The following C2orf49 variants were observed in gnomAD, a reference collection of about 807,000 sequenced individuals.
The protein encoded by C2orf49 is tRNA-splicing ligase complex subunit ASW.
In C2orf49, 11 loss-of-function variants were observed where a neutral mutation model predicts 20.6. That is an observed-to-expected ratio of 0.53 (90% CI 0.34 to 0.88). The LOEUF is 0.88. C2orf49 is among the 40% of genes least tolerant of loss of function. The pLI, the probability that C2orf49 is intolerant of heterozygous loss-of-function variation, is 0.02. For synonymous variants in C2orf49, 134 were observed against 108.5 expected, an observed-to-expected ratio of 1.24 and a Z score of -1.46; for missense variants, 289 against 274.2, an observed-to-expected ratio of 1.05 and a Z score of -0.38.
the C2orf49 span, among the ~76,000 whole-genome samples, chr2:105,371,494 C>A: frequency 2.7e-4 from 41 of 151,880 alleles, no homozygotes; most frequent in South Asian, 8.3e-3. Context: ...CTGCCCTGTT[C>A]TATAGATTCC....
intron 1 of C2orf49, among the ~76,000 whole-genome samples, chr2:105,338,508 A>G (rs910885596): frequency 2.6e-5 from 4 of 152,212 alleles, no homozygotes; most frequent in Non-Finnish European, 1.5e-5. Context: ...TTTCTCGTTC[A>G]GTAGTTCCGG....
rs189712499 is a variant in C2orf49 at position 105,340,599 on chromosome 2, G to A, written c.266+850G>A. ...TCTTTGAATAATACACAAATGAAGGGCCTGTTAACTAGCTTAAGTTATGCT... is the reference window on the plus strand; with the variant it reads ...TCTTTGAATAATACACAAATGAAGGACCTGTTAACTAGCTTAAGTTATGCT... On this transcript the variant is annotated intron_variant, in intron 2 of 3. Coordinates refer to ENST00000258457, the MANE Select transcript of C2orf49 (RefSeq NM_024093.3). 2.1e-3 allele frequency among the ~76,000 whole-genome samples: 320 copies of A among 152,220 alleles called. 1 individual carries two copies. The highest frequency in any genetic ancestry group is 3.4e-3 in the Non-Finnish European group (233 of 68,006).
At chr2:105,349,494 TTACTAAC>T (rs1163879186), downstream of C2orf49, among the ~76,000 whole-genome samples, 2 of 152,230 alleles carry the variant, frequency 1.3e-5, no homozygotes, top group Non-Finnish European at 2.9e-5. Flanking sequence ...AAAGTGCATT[TTACTAAC>T]TAAAGTGCAT....
the C2orf49 span, among the ~76,000 whole-genome samples, chr2:105,384,580 T>C: frequency 7.9e-5 from 12 of 152,280 alleles, no homozygotes; most frequent in South Asian, 2.5e-3. Flanking sequence ...TGATCTCGGC[T>C]CACTGTAACT....
chr2:105,366,044 A>C, the C2orf49 span, among the ~76,000 whole-genome samples: 1 of 151,474 alleles, frequency 6.6e-6, no homozygotes, highest in Non-Finnish European at 1.5e-5. Context: ...CGTCTGTACT[A>C]AAAATACAAA....
At chr2:105,382,826 C>T in the C2orf49 span, among the ~76,000 whole-genome samples, 75 of 152,312 alleles carry the variant, frequency 4.9e-4, no homozygotes, top group East Asian at 0.013. Context: ...GGCTTAAAAT[C>T]ACCAATTTGT....
the C2orf49 span, chr2:105,367,519 T>G: frequency 2.6e-6 from 4 of 1,551,842 alleles, no homozygotes; most frequent in South Asian, 1.2e-5. Flanking sequence ...ACATGGACCA[T>G]GGAGGCAAAC....
the C2orf49 span, chr2:105,367,514 G>T: frequency 1.3e-6 from 2 of 1,537,028 alleles, no homozygotes; most frequent in South Asian, 1.2e-5. Context: ...GACAGACATG[G>T]ACCATGGAGG....
the C2orf49 span, among the ~76,000 whole-genome samples, chr2:105,380,392 A>G: frequency 6.6e-6 from 1 of 152,042 alleles, no homozygotes; most frequent in African/African-American, 2.4e-5. Context: ...CTGTCTGTCT[A>G]TCTATCATCT....
At chr2:105,350,481 CA>C (rs1185147289), downstream of C2orf49, among the ~76,000 whole-genome samples, 1 of 152,178 alleles carries the variant, frequency 6.6e-6, no homozygotes, top group Non-Finnish European at 1.5e-5. Flanking sequence ...TCAGTTTAAT[CA>C]AAAATAGACT....
rs150202317 is a variant in C2orf49, at chr2:105,347,198, C to T, written c.*1827C>T. ...TACTAAGTATTGCATAAATTGTTAA[C>T]GTTACAGTAAATTGTTATCTGCAGG... On this transcript the variant is annotated 3_prime_UTR_variant, in exon 4 of 4. Transcript: ENST00000258457. The T allele has an allele frequency of 7.9e-5, 12 of 152,198 alleles. No individual in the cohort carries two copies. The highest frequency in any genetic ancestry group is 3.4e-3 in the Middle Eastern group (1 of 294). The allele number at this position is 152,198 out of a possible 1,614,324, so 9.4% of individuals were successfully genotyped here.
intron 2 of C2orf49, among the ~76,000 whole-genome samples, chr2:105,340,249 T>G (rs78570357): frequency 2.0e-3 from 305 of 152,338 alleles, no homozygotes; most frequent in African/African-American, 6.8e-3. Context: ...TAAGTCATTG[T>G]AAGGACTTTG....
chr2:105,359,912 C>G, the C2orf49 span: 1 of 152,192 alleles, frequency 6.6e-6, no homozygotes, highest in Non-Finnish European at 1.5e-5. Flanking sequence ...AGCCGATAAG[C>G]TCTGCCAAGA....
At chr2:105,384,325 G>C in the C2orf49 span, among the ~76,000 whole-genome samples, 1 of 152,164 alleles carries the variant, frequency 6.6e-6, no homozygotes, top group Non-Finnish European at 1.5e-5. Flanking sequence ...AAAGAGAGAG[G>C]GTGAAGCTTC....
At chr2:105,385,007 A>G in the C2orf49 span, among the ~76,000 whole-genome samples, 1 of 152,250 alleles carries the variant, frequency 6.6e-6, no homozygotes, top group African/African-American at 2.4e-5. Flanking sequence ...AGCAGGCAAG[A>G]CAGGATACAG....
Position 105,345,575 on chromosome 2 carries a change from G to C in C2orf49, c.*204G>C. 1 of 581,976 alleles carries C rather than the reference G, an allele frequency of 1.7e-6. No individual in the cohort carries two copies. Among genetic ancestry groups the C allele is most frequent in the Non-Finnish European group, 3.1e-6 (1 of 327,148 alleles). The allele number at this position is 581,976 out of a possible 1,614,324, so 36.1% of individuals were successfully genotyped here. A position where few individuals can be genotyped will look rare whatever the true frequency, so the allele number is the denominator to read the frequency against. On this transcript the variant is annotated 3_prime_UTR_variant, in exon 4 of 4. Coordinates refer to ENST00000258457, the MANE Select transcript of C2orf49 (RefSeq NM_024093.3). ...TTAAAATTCTTGCCTGTCTTGCCCT[G>C]ATTAGGAAAGAATATCTTTTTAAAC...
At chr2:105,373,065 T>C in the C2orf49 span, among the ~76,000 whole-genome samples, 5 of 152,224 alleles carry the variant, frequency 3.3e-5, no homozygotes, top group African/African-American at 9.6e-5. Flanking sequence ...TGTGCCCTTT[T>C]TGACTGTCCG....
At chr2:105,361,340 A>G in the C2orf49 span, 2 of 1,614,116 alleles carry the variant, frequency 1.2e-6, no homozygotes, top group Admixed American at 1.7e-5. Context: ...TGAGGAAGCC[A>G]CGCCCCACCA....
chr2:105,352,622 G>A (rs942355252), downstream of C2orf49, among the ~76,000 whole-genome samples: 1 of 151,230 alleles, frequency 6.6e-6, no homozygotes, highest in Non-Finnish European at 1.5e-5. Flanking sequence ...TTTTTTGTAC[G>A]TTTAGTAGAG....
Sources: allele counts gnomAD v4.1 joint callset (sites outside exome capture counted in the v4.1 genomes callset), GRCh38; gene constraint gnomAD v4.1.1; transcripts MANE v1.5; gene names NCBI Gene and HGNC (gene_info 2026-07-23, HGNC 2026-07-21).